GRM7: variants seen among roughly 807,000 people sequenced by gnomAD.
GRM7 encodes metabotropic glutamate receptor 7.
Under a neutral mutation model 84.5 loss-of-function variants are expected in GRM7, and 35 were observed. The ratio of observed to expected loss-of-function variants is 0.41; its 90% CI spans 0.32 to 0.55. GRM7 has a LOEUF of 0.55. Among genes scored for constraint, GRM7 ranks in the 20% least tolerant of loss-of-function variants. The probability of loss-of-function intolerance (pLI) is 0.19; values close to 1 mark genes in which losing one functional copy is unlikely to be tolerated. For synonymous variants in GRM7, 487 were observed against 455.1 expected, an observed-to-expected ratio of 1.07 and a Z score of -0.89; for missense variants, 1,003 against 1,194.6, an observed-to-expected ratio of 0.84 and a Z score of 2.36.
intron 1 of GRM7, among the ~76,000 whole-genome samples, chr3:7,083,470 C>G (rs1698338417): frequency 6.6e-6 from 1 of 152,160 alleles, no homozygotes; most frequent in African/African-American, 2.4e-5. Context: ...CTGTGGTGGT[C>G]TGGAGCCAAT....
chr3:7,354,912 G>T (rs753166468), intron 4 of GRM7, among the ~76,000 whole-genome samples: 4 of 152,176 alleles, frequency 2.6e-5, no homozygotes, highest in Non-Finnish European at 4.4e-5. Flanking sequence ...CTACACAGGG[G>T]TATATCAACT....
At chr3:7,618,599 A>C (rs1697218511) in intron 8 of GRM7, among the ~76,000 whole-genome samples, 1 of 152,086 alleles carries the variant, frequency 6.6e-6, no homozygotes, top group African/African-American at 2.4e-5. Flanking sequence ...TCACAAATTG[A>C]GTGAGAGTGG....
At chr3:7,723,561 A>G (rs898660859) in intron 9 of GRM7, among the ~76,000 whole-genome samples, 1 of 152,310 alleles carries the variant, frequency 6.6e-6, no homozygotes, top group African/African-American at 2.4e-5. Context: ...GAATTTAGGT[A>G]GGGCACAATG....
intron 4 of GRM7, among the ~76,000 whole-genome samples, chr3:7,337,482 C>T (rs1003047882): frequency 4.6e-5 from 7 of 152,056 alleles, no homozygotes; most frequent in Admixed American, 4.6e-4. Context: ...AGACACCCCA[C>T]AGAGTGGGAG....
At chr3:7,258,464 G>A (rs146227661) in intron 2 of GRM7, among the ~76,000 whole-genome samples, 107 of 152,224 alleles carry the variant, frequency 7.0e-4, no homozygotes, top group Middle Eastern at 3.4e-3. Context: ...AGGAATAAGG[G>A]TACCAGAGAG....
intron 4 of GRM7, among the ~76,000 whole-genome samples, chr3:7,306,929 C>T (rs1700214703): frequency 6.6e-6 from 1 of 152,136 alleles, no homozygotes; most frequent in Non-Finnish European, 1.5e-5. Flanking sequence ...GAGAGGAGAG[C>T]ATTATCATTA....
chr3:7,037,068 C>G (rs917661020), intron 1 of GRM7, among the ~76,000 whole-genome samples: 1 of 152,154 alleles, frequency 6.6e-6, no homozygotes, highest in Admixed American at 6.5e-5. Flanking sequence ...TCTAATAATA[C>G]TTCATCAAGT....
intron 1 of GRM7, among the ~76,000 whole-genome samples, chr3:7,123,532 T>C (rs532394694): frequency 6.6e-6 from 1 of 152,028 alleles, no homozygotes; most frequent in South Asian, 2.1e-4. Flanking sequence ...GGCAGGAGAA[T>C]CGCTTGAACC....
At chr3:6,966,122 C>T (rs918443972) in intron 1 of GRM7, among the ~76,000 whole-genome samples, 9 of 152,102 alleles carry the variant, frequency 5.9e-5, no homozygotes, top group South Asian at 2.1e-4. Context: ...CAGGTCCTTC[C>T]GATGTTAACA....
intron 1 of GRM7, among the ~76,000 whole-genome samples, chr3:7,106,335 A>G (rs999005172): frequency 1.3e-5 from 2 of 151,850 alleles, no homozygotes; most frequent in Non-Finnish European, 2.9e-5. Flanking sequence ...TATAGTATGC[A>G]GCCTTTTTTT....
chr3:7,179,849 A>G (rs1387928731), intron 2 of GRM7, among the ~76,000 whole-genome samples: 2 of 152,188 alleles, frequency 1.3e-5, no homozygotes, highest in South Asian at 2.1e-4. Flanking sequence ...TATAGGGGAA[A>G]CACTCAATTT....
At chr3:7,280,904 T>A (rs1167497819) in intron 2 of GRM7, among the ~76,000 whole-genome samples, 1 of 152,164 alleles carries the variant, frequency 6.6e-6, no homozygotes, top group Non-Finnish European at 1.5e-5. Flanking sequence ...AAAGCTTTTA[T>A]CATCATCCCG....
In GRM7 at chr3:7,110,519, T is replaced by C. The variant is rs183843082; in HGVS notation, c.520-35933T>C. Among the ~76,000 whole-genome samples, 808 of 151,816 alleles carry C rather than the reference T, an allele frequency of 5.3e-3. 5 individuals are homozygous for C. Among genetic ancestry groups the C allele is most frequent in the Non-Finnish European group, 8.1e-3 (550 of 67,938 alleles). On this transcript the variant is annotated intron_variant, in intron 1 of 9. Coordinates refer to ENST00000357716, the MANE Select transcript of GRM7 (RefSeq NM_000844.4). ...CTGAGACAGGAGAATCGCTTGAACCTGGGAGGTGGAGATTGCAGTGAGCCA... is the reference window on the plus strand; with the variant it reads ...CTGAGACAGGAGAATCGCTTGAACCCGGGAGGTGGAGATTGCAGTGAGCCA...
At chr3:7,137,716 A>C (rs1693814995) in intron 1 of GRM7, among the ~76,000 whole-genome samples, 1 of 141,988 alleles carries the variant, frequency 7.0e-6, no homozygotes, top group Non-Finnish European at 1.5e-5. Context: ...GATTATGGAC[A>C]TGCAGGTGGT....
chr3:7,421,012 C>G (rs969428248), intron 5 of GRM7, among the ~76,000 whole-genome samples: 1 of 152,054 alleles, frequency 6.6e-6, no homozygotes, highest in South Asian at 2.1e-4. Context: ...ATGCCATGCC[C>G]ATAAAAGGTA....
intron 2 of GRM7, among the ~76,000 whole-genome samples, chr3:7,250,688 TA>T (rs1697951178): frequency 6.6e-6 from 1 of 152,006 alleles, no homozygotes; most frequent in Admixed American, 6.6e-5. Flanking sequence ...CACATCTAGC[TA>T]ATTTTTGTAT....
chr3:7,530,359 T>C (rs1700989852), intron 7 of GRM7, among the ~76,000 whole-genome samples: 1 of 152,150 alleles, frequency 6.6e-6, no homozygotes, highest in Non-Finnish European at 1.5e-5. Flanking sequence ...GACATTTGGG[T>C]TGGTTCCAAG....
intron 4 of GRM7, among the ~76,000 whole-genome samples, chr3:7,316,019 A>T (rs1402275683): frequency 2.0e-5 from 3 of 152,156 alleles, no homozygotes; most frequent in Non-Finnish European, 2.9e-5. Flanking sequence ...TCTCATCAAG[A>T]TGTCTTTTGA....
At chr3:6,898,648 A>G (rs1234442156) in intron 1 of GRM7, among the ~76,000 whole-genome samples, 1 of 152,024 alleles carries the variant, frequency 6.6e-6, no homozygotes, top group African/African-American at 2.4e-5. Context: ...ATACCTCCCA[A>G]AAATAGGTTG....
Sources: gnomAD v4.1 joint callset for allele counts (sites outside exome capture counted in the v4.1 genomes callset) on GRCh38, gnomAD v4.1.1 for gene constraint, MANE v1.5 for transcripts, NCBI Gene and HGNC (gene_info 2026-07-23, HGNC 2026-07-21) for gene names.